CBLB: variants seen among roughly 807,000 people sequenced by gnomAD.
CBLB encodes E3 ubiquitin-protein ligase CBL-B.
In CBLB, 31 loss-of-function variants were observed where a neutral mutation model predicts 104.9. The ratio of observed to expected loss-of-function variants is 0.30; its 90% CI spans 0.22 to 0.40. The LOEUF (loss-of-function observed/expected upper bound fraction) is 0.40, where lower values mean the gene tolerates loss of function less well. CBLB is among the 10% of genes least tolerant of loss of function. The pLI, the probability that CBLB is intolerant of heterozygous loss-of-function variation, is 1.00. For missense variants in CBLB, 1,062 were observed against 1,214.6 expected (o/e 0.87, Z 1.87); for synonymous variants, 440 against 422.6 (o/e 1.04, Z -0.51).
chr3:105,726,919 AT>A (rs1306644776), intron 9 of CBLB, among the ~76,000 whole-genome samples: 1 of 152,186 alleles, frequency 6.6e-6, no homozygotes, highest in African/African-American at 2.4e-5. Flanking sequence ...TCCATGGTGT[AT>A]ATGTGCCACA....
chr3:105,731,341 A>C (rs2074289754), intron 9 of CBLB, among the ~76,000 whole-genome samples: 1 of 152,222 alleles, frequency 6.6e-6, no homozygotes, highest in Non-Finnish European at 1.5e-5. Flanking sequence ...AAGTGAAACA[A>C]CTTACTGTAT....
chr3:105,868,655 C>T, intron 1 of CBLB, 81 bp downstream of exon 1: 1 of 937,680 alleles, frequency 1.1e-6, no homozygotes, highest in South Asian at 5.0e-5. Flanking sequence ...CCCTCTTCCT[C>T]CTTGGCCCGC....
Position 105,852,218 on chromosome 3 carries a change from C to T in CBLB, c.419+1196G>A, listed in dbSNP as rs560339663. Among the ~76,000 whole-genome samples, 143 of 151,582 alleles carry T rather than the reference C, an allele frequency of 9.4e-4. 1 individual carries two copies. The highest frequency in any genetic ancestry group is 3.4e-3 in the African/African-American group (142 of 41,340). ...GATGATAGCTCCATGCATGTTATTG[C>T]TCCATGCTAAAATGCAAATTGTTAG... On this transcript the variant is annotated intron_variant, in intron 3 of 18. Coordinates refer to ENST00000394030, the MANE Select transcript of CBLB (RefSeq NM_170662.5).
intron 3 of CBLB, among the ~76,000 whole-genome samples, chr3:105,837,542 A>T (rs1174442982): frequency 6.6e-6 from 1 of 152,230 alleles, no homozygotes; most frequent in Non-Finnish European, 1.5e-5. Context: ...TTGTGAGAGT[A>T]GGCAGAATGA....
chr3:105,819,999 A>G (rs759956234), intron 3 of CBLB, among the ~76,000 whole-genome samples: 2 of 152,128 alleles, frequency 1.3e-5, no homozygotes, highest in Admixed American at 6.5e-5. Context: ...TTATTATTAC[A>G]TTGTAATATA....
At chr3:105,819,029 A>T (rs774772051) in intron 3 of CBLB, among the ~76,000 whole-genome samples, 1 of 152,262 alleles carries the variant, frequency 6.6e-6, no homozygotes, top group Non-Finnish European at 1.5e-5. Context: ...ATGTATAGTT[A>T]TACAATAACT....
At chr3:105,747,655 G>A (rs1416864928) in intron 5 of CBLB, among the ~76,000 whole-genome samples, 1 of 152,162 alleles carries the variant, frequency 6.6e-6, no homozygotes, top group Non-Finnish European at 1.5e-5. Context: ...CTTGGAAAAT[G>A]TCAGCATATA....
rs1300841605 is a variant in CBLB, at chr3:105,681,717, T to C, written c.2296+7A>G. On this transcript the variant is annotated splice_region_variant and intron_variant, in intron 15 of 18. Transcript: ENST00000394030. ...ACATCACAAAGGAAATTATATTCTA[T>C]ACGTACCCTTTAAATATATGCTTAA... 2.5e-6 allele frequency: 4 copies of C among 1,595,240 alleles called. No homozygotes were observed. The highest frequency in any genetic ancestry group is 2.6e-6 in the Non-Finnish European group (3 of 1,162,772).
intron 13 of CBLB, among the ~76,000 whole-genome samples, chr3:105,688,593 A>C (rs1230053479): frequency 6.6e-6 from 1 of 152,084 alleles, no homozygotes; most frequent in African/African-American, 2.4e-5. Flanking sequence ...GTTAAAATAG[A>C]ATCTTTAGAG....
At position 105,868,965 on chromosome 3, in the gene CBLB, C is replaced by G. The variant is rs1706678171; in HGVS notation, c.-244G>C. 1 of 1,016,924 alleles carries G rather than the reference C, an allele frequency of 9.8e-7. No individual in the cohort carries two copies. The highest frequency in any genetic ancestry group is 1.2e-6 in the Non-Finnish European group (1 of 851,688). The allele number at this position is 1,016,924 out of a possible 1,614,324, so 63.0% of individuals were successfully genotyped here. ...CCTCCCGCCCGACTCGGGGAGGCCG[C>G]GGGACGCCGCAGCAGCACTAGCAGG... On this transcript the variant is annotated 5_prime_UTR_variant, in exon 1 of 19. Transcript: ENST00000394030.
intron 3 of CBLB, among the ~76,000 whole-genome samples, chr3:105,838,854 G>A (rs1039985255): frequency 6.6e-6 from 1 of 151,918 alleles, no homozygotes; most frequent in Admixed American, 6.6e-5. Flanking sequence ...TGGCCAGGAT[G>A]GTCTTGATCT....
At chr3:105,769,080 G>C (rs1403635727) in intron 4 of CBLB, among the ~76,000 whole-genome samples, 1 of 152,188 alleles carries the variant, frequency 6.6e-6, no homozygotes, top group Non-Finnish European at 1.5e-5. Context: ...TTGGGAGGCT[G>C]AGACAGGTGG....
chr3:105,805,083 C>T (rs943920372), intron 3 of CBLB, among the ~76,000 whole-genome samples: 2 of 152,150 alleles, frequency 1.3e-5, no homozygotes, highest in African/African-American at 2.4e-5. Context: ...TCCACTGCTT[C>T]CAATCTATCA....
At chr3:105,773,930 T>C (rs1043718088) in intron 4 of CBLB, among the ~76,000 whole-genome samples, 2 of 152,250 alleles carry the variant, frequency 1.3e-5, no homozygotes, top group Admixed American at 6.5e-5. Flanking sequence ...GCCTCTTGGC[T>C]GCTGGGCTTG....
rs529819786 is a variant in CBLB, at chr3:105,864,423, G to A, written c.168+2987C>T. Among the ~76,000 whole-genome samples, 10 of 152,190 alleles carry A rather than the reference G, an allele frequency of 6.6e-5. No homozygotes were observed. The East Asian group carries it at 7.7e-4, about 12-fold the overall frequency. ...AACAGACTCCACATTTCATTCTGGCGCACTTGAACCTAGATATGTATTCAT... is the reference window on the plus strand; with the variant it reads ...AACAGACTCCACATTTCATTCTGGCACACTTGAACCTAGATATGTATTCAT... On this transcript the variant is annotated intron_variant, in intron 2 of 18. Coordinates refer to ENST00000394030, the MANE Select transcript of CBLB (RefSeq NM_170662.5).
intron 10 of CBLB, among the ~76,000 whole-genome samples, chr3:105,708,052 C>G (rs2070466465): frequency 6.6e-6 from 1 of 152,206 alleles, no homozygotes; most frequent in African/African-American, 2.4e-5. Context: ...TAGCTGGGAC[C>G]TGAATGTGGG....
chr3:105,767,387 C>T (rs550607613), intron 4 of CBLB, among the ~76,000 whole-genome samples: 21 of 151,872 alleles, frequency 1.4e-4, no homozygotes, highest in African/African-American at 5.1e-4. Context: ...AAGGAAAATA[C>T]GGGAAACCAA....
intron 10 of CBLB, among the ~76,000 whole-genome samples, chr3:105,717,756 T>A (rs1175915004): frequency 6.6e-6 from 1 of 152,226 alleles, no homozygotes; most frequent in Non-Finnish European, 1.5e-5. Flanking sequence ...TCCGCATATG[T>A]AGCTCTCTCA....
At chr3:105,828,682 G>A (rs531270481) in intron 3 of CBLB, among the ~76,000 whole-genome samples, 1 of 152,134 alleles carries the variant, frequency 6.6e-6, no homozygotes, top group Non-Finnish European at 1.5e-5. Context: ...TGACCCTAGG[G>A]CAAAATACTA....
Sources: allele counts gnomAD v4.1 joint callset (sites outside exome capture counted in the v4.1 genomes callset), GRCh38; gene constraint gnomAD v4.1.1; transcripts MANE v1.5; gene names NCBI Gene and HGNC (gene_info 2026-07-23, HGNC 2026-07-21).